The following FMN1 variants were observed in gnomAD, a reference collection of about 807,000 sequenced individuals.
FMN1 encodes the protein formin 1, also known as formin-1.
FMN1 carries 110 observed loss-of-function variants against 132.4 expected under a neutral mutation model. The observed-to-expected ratio is 0.83, with a 90% confidence interval of 0.71 to 0.97. The LOEUF (loss-of-function observed/expected upper bound fraction) is 0.97. Among genes scored for constraint, FMN1 ranks in the 50% least tolerant of loss-of-function variants. FMN1 has a pLI of 0.00. For synonymous variants in FMN1, 722 were observed against 651.7 expected (o/e 1.11, Z -1.64); for missense variants, 1,792 against 1,705.3 (o/e 1.05, Z -0.90).
intron 18 of FMN1, among the ~76,000 whole-genome samples, chr15:32,800,619 G>C (rs2057446520): frequency 6.6e-6 from 1 of 152,220 alleles, no homozygotes; most frequent in Non-Finnish European, 1.5e-5. Context: ...TTTAGAATGG[G>C]AAGGAATTTA....
intron 4 of FMN1, among the ~76,000 whole-genome samples, chr15:33,148,448 G>A (rs1391324138): frequency 6.6e-6 from 1 of 152,112 alleles, no homozygotes; most frequent in East Asian, 1.9e-4. Context: ...CCTGCTCTTG[G>A]CCCTGGAAGG....
At chr15:32,791,697 C>T (rs527285908) in intron 19 of FMN1, among the ~76,000 whole-genome samples, 1 of 152,072 alleles carries the variant, frequency 6.6e-6, no homozygotes, top group Non-Finnish European at 1.5e-5. Flanking sequence ...GGGGGCAAAA[C>T]TATAAAGAGT....
chr15:33,067,890 A>C lies in FMN1; in HGVS notation c.2044-2816T>G, dbSNP rs974569372. On this transcript the variant is annotated intron_variant, in intron 5 of 20. Transcript: ENST00000616417. Reference sequence around the variant, plus strand: ...GAATTATCAACGTTCTCCATGTCTCAGTAATGCCCTTGGTGGAAGTTCTGA... The same window carrying C: ...GAATTATCAACGTTCTCCATGTCTCCGTAATGCCCTTGGTGGAAGTTCTGA... The C allele has an allele frequency of 2.2e-5, 35 of 1,600,106 alleles. No individual in the cohort carries two copies. In the African/African-American group the frequency reaches 3.9e-4, roughly 18 times the overall value.
chr15:33,085,956 AAG>A (rs770071052), intron 5 of FMN1, among the ~76,000 whole-genome samples: 3 of 152,164 alleles, frequency 2.0e-5, no homozygotes, highest in Non-Finnish European at 4.4e-5. Flanking sequence ...AATTGTTTGA[AAG>A]AGAGAGGAGG....
intron 3 of FMN1, among the ~76,000 whole-genome samples, chr15:33,170,934 C>T (rs1441743624): frequency 6.6e-6 from 1 of 152,254 alleles, no homozygotes; most frequent in African/African-American, 2.4e-5. Flanking sequence ...AAAAGGGATA[C>T]CTGCACCCTC....
chr15:33,100,451 G>A (rs1022195678), intron 4 of FMN1, among the ~76,000 whole-genome samples: 14 of 152,076 alleles, frequency 9.2e-5, no homozygotes, highest in East Asian at 7.7e-4. Context: ...ACCTATGCCC[G>A]AAGGCCAAAT....
At chr15:32,842,380 G>A (rs2058763517) in intron 17 of FMN1, among the ~76,000 whole-genome samples, 1 of 152,138 alleles carries the variant, frequency 6.6e-6, no homozygotes. Flanking sequence ...CAACTTCACA[G>A]GAGACCTGAA....
intron 4 of FMN1, among the ~76,000 whole-genome samples, chr15:33,109,070 A>G (rs879853369): frequency 2.2e-3 from 338 of 152,244 alleles, no homozygotes; most frequent in Non-Finnish European, 3.9e-3. Flanking sequence ...TACCATTTAT[A>G]ACCTATTTCT....
In FMN1 at chr15:33,152,803, A is replaced by AAAAAAAAAAG. The variant is rs58337839; in HGVS notation, c.1867+244_1867+245insCTTTTTTTTT. The stretch of plus-strand genomic sequence containing the variant: ...TAGAGGATGCCAAAAAAAAAAAAAA[A>AAAAAAAAAAG]GAAAGAAATAAAAGACATTCACAAA... On this transcript the variant is annotated intron_variant, in intron 4 of 20. Coordinates refer to ENST00000616417, the MANE Select transcript of FMN1 (RefSeq NM_001277313.2). Among the ~76,000 whole-genome samples, 12 of 144,716 alleles carry AAAAAAAAAAG rather than the reference A, an allele frequency of 8.3e-5. No individual in the cohort carries two copies. In the South Asian group the frequency reaches 1.9e-3, roughly 23 times the overall value. The allele number at this position is 144,716 out of a possible 152,430, so 94.9% of individuals were successfully genotyped here. A position where few individuals can be genotyped will look rare whatever the true frequency, so the allele number is the denominator to read the frequency against.
intron 10 of FMN1, among the ~76,000 whole-genome samples, chr15:32,921,504 A>C (rs924933536): frequency 1.3e-5 from 2 of 152,166 alleles, no homozygotes; most frequent in Non-Finnish European, 2.9e-5. Flanking sequence ...ATCAGATCAC[A>C]ACATGGCCCT....
At chr15:32,976,311 T>C (rs562212904) in intron 7 of FMN1, among the ~76,000 whole-genome samples, 1 of 152,230 alleles carries the variant, frequency 6.6e-6, no homozygotes, top group Admixed American at 6.5e-5. Context: ...GTGAGGCTTG[T>C]GAGCACAAAA....
intron 16 of FMN1, among the ~76,000 whole-genome samples, chr15:32,879,659 C>T (rs533067181): frequency 3.4e-4 from 52 of 151,538 alleles, no homozygotes; most frequent in African/African-American, 1.2e-3. Context: ...GAAGTATGAT[C>T]GGCTCCATTT....
At chr15:32,847,451 G>C (rs2058884353) in intron 17 of FMN1, among the ~76,000 whole-genome samples, 1 of 152,184 alleles carries the variant, frequency 6.6e-6, no homozygotes. Flanking sequence ...CAGAAGACAA[G>C]GCTGGGCGTG....
intron 4 of FMN1, among the ~76,000 whole-genome samples, chr15:33,144,394 T>G (rs1351106514): frequency 1.3e-5 from 2 of 152,050 alleles, no homozygotes; most frequent in Non-Finnish European, 2.9e-5. Context: ...CCCAGCACTT[T>G]GGGAGGCCGA....
At chr15:32,848,734 T>C (rs62001291) in intron 17 of FMN1, among the ~76,000 whole-genome samples, 25,846 of 152,208 alleles carry the variant, frequency 0.17, 2,903 homozygotes, top group Admixed American at 0.27. Flanking sequence ...AAAAAAAATT[T>C]GTTTACTATT....
intron 7 of FMN1, among the ~76,000 whole-genome samples, chr15:32,988,697 G>GA (rs1424280686): frequency 6.6e-6 from 1 of 152,192 alleles, no homozygotes; most frequent in African/African-American, 2.4e-5. Context: ...ACCAGACGGT[G>GA]AATCTTACAG....
chr15:33,061,414 A>T (rs9672711), intron 6 of FMN1, among the ~76,000 whole-genome samples: 35 of 152,224 alleles, frequency 2.3e-4, no homozygotes, highest in African/African-American at 7.9e-4. Context: ...AGGAAAAAAT[A>T]CAAGATATAT....
chr15:32,904,101 C>T (rs116484456), intron 12 of FMN1, among the ~76,000 whole-genome samples: 4,316 of 151,912 alleles, frequency 0.028, 192 homozygotes, highest in African/African-American at 0.097. Flanking sequence ...ATCTACAGTC[C>T]CATCTTGATA....
In FMN1 at chr15:32,765,993, A is replaced by C. The variant is rs1007161735; in HGVS notation, c.*8317T>G. 6.6e-6 allele frequency: 1 copy of C among 152,218 alleles called. No homozygotes were observed. The highest frequency in any genetic ancestry group is 1.5e-5 in the Non-Finnish European group (1 of 68,050). 9.4% of individuals were successfully genotyped at this position (152,218 alleles called of 1,614,324 possible). A position where few individuals can be genotyped will look rare whatever the true frequency, so the allele number is the denominator to read the frequency against. ...GTATTTTTAAAAATGCAAAGGGAAA[A>C]ATACCTGAATCCAATGAGCTTATTA... On this transcript the variant is annotated 3_prime_UTR_variant, in exon 21 of 21. Transcript: ENST00000616417.
Sources: gnomAD v4.1 joint callset for allele counts (sites outside exome capture counted in the v4.1 genomes callset) on GRCh38, gnomAD v4.1.1 for gene constraint, MANE v1.5 for transcripts, NCBI Gene and HGNC (gene_info 2026-07-23, HGNC 2026-07-21) for gene names.